The following MCPH1 variants were observed in gnomAD, a reference collection of about 807,000 sequenced individuals.
MCPH1 encodes the protein microcephalin 1.
In MCPH1, 104 loss-of-function variants were observed where a neutral mutation model predicts 84.5. That is an observed-to-expected ratio of 1.23 (90% CI 1.05 to 1.45). The LOEUF is 1.45. MCPH1 is among the 40% of genes most tolerant of loss of function. The pLI is 0.00. For synonymous variants in MCPH1, 514 were observed against 366.8 expected, an observed-to-expected ratio of 1.40 and a Z score of -4.58; for missense variants, 1,498 against 1,005.7, an observed-to-expected ratio of 1.49 and a Z score of -6.62.
intron 12 of MCPH1, among the ~76,000 whole-genome samples, chr8:6,543,555 G>A (rs542377859): frequency 7.9e-5 from 12 of 152,346 alleles, no homozygotes; most frequent in African/African-American, 2.6e-4. Context: ...ATAGGGAAAA[G>A]CGCTGTCGTA....
At chr8:6,416,912 T>G (rs973636915) in intron 3 of MCPH1, among the ~76,000 whole-genome samples, 1 of 152,030 alleles carries the variant, frequency 6.6e-6, no homozygotes, top group African/African-American at 2.4e-5. Flanking sequence ...GAGAATCACT[T>G]GAACCTGGGA....
intron 13 of MCPH1, among the ~76,000 whole-genome samples, chr8:6,623,718 A>G (rs1192950643): frequency 1.8e-4 from 1 of 5,606 alleles, no homozygotes; most frequent in Non-Finnish European, 4.5e-4. Flanking sequence ...AAAAAAAAAA[A>G]CTATTGATTT....
chr8:6,638,648 T>A (rs1232588936), intron 13 of MCPH1, among the ~76,000 whole-genome samples: 1 of 152,096 alleles, frequency 6.6e-6, no homozygotes, highest in African/African-American at 2.4e-5. Context: ...TTCAGCTTCC[T>A]ATTCATCTCT....
rs557342482 is a variant in MCPH1, at chr8:6,580,227, T to A, written c.2215-41227T>A. On this transcript the variant is annotated intron_variant, in intron 12 of 13. Coordinates refer to ENST00000344683, the MANE Select transcript of MCPH1 (RefSeq NM_024596.5). ...GACCCCAGCCAACCAAAGGGAAAGGTCTCCCCTGTACTCACGAAGCCTCCA... is the reference window on the plus strand; with the variant it reads ...GACCCCAGCCAACCAAAGGGAAAGGACTCCCCTGTACTCACGAAGCCTCCA... Among the ~76,000 whole-genome samples, 83 of 152,120 alleles carry A rather than the reference T, an allele frequency of 5.5e-4. 1 individual carries two copies. The highest frequency in any genetic ancestry group is 2.0e-3 in the African/African-American group (83 of 41,506).
chr8:6,514,713 G>A (rs764298644), intron 12 of MCPH1: 148 of 1,613,876 alleles, frequency 9.2e-5, no homozygotes, highest in Non-Finnish European at 1.1e-4. Context: ...GAAAATCAAC[G>A]CTGCCATCCT....
chr8:6,499,757 TATCACTTTTTGCTGTGTCTTC>T, intron 11 of MCPH1, 74 bp from the exon 12 acceptor site: 11 of 1,001,364 alleles, frequency 1.1e-5, no homozygotes, highest in Non-Finnish European at 1.8e-5. Flanking sequence ...CTGCGGAGTG[TATCACTTTTTGCTGTGTCTTC>T]AAAGTGATTC....
intron 11 of MCPH1, among the ~76,000 whole-genome samples, chr8:6,496,524 C>T (rs773535790): frequency 1.2e-4 from 18 of 151,848 alleles, no homozygotes; most frequent in African/African-American, 1.9e-4. Flanking sequence ...GAAGCCCCCC[C>T]GCCCCCCTTC....
At chr8:6,500,530 A>C (rs924598582) in intron 12 of MCPH1, 5 of 153,874 alleles carry the variant, frequency 3.2e-5, no homozygotes, top group African/African-American at 1.2e-4. Context: ...CTGAAAGATA[A>C]ATGGTGATTT....
intron 12 of MCPH1, among the ~76,000 whole-genome samples, chr8:6,570,453 C>T (rs1198585334): frequency 6.6e-6 from 1 of 152,198 alleles, no homozygotes; most frequent in Non-Finnish European, 1.5e-5. Context: ...CATTTCCTTT[C>T]CTGGGAAACA....
At chr8:6,500,123 C>G in intron 12 of MCPH1, 194 bp downstream of exon 12, 1 of 588,514 alleles carries the variant, frequency 1.7e-6, no homozygotes, top group East Asian at 2.9e-5. Flanking sequence ...GACCATTGTG[C>G]AAAAAGTAGT....
At chr8:6,536,592 C>T (rs752261570) in intron 12 of MCPH1, among the ~76,000 whole-genome samples, 1 of 152,142 alleles carries the variant, frequency 6.6e-6, no homozygotes, top group East Asian at 1.9e-4. Flanking sequence ...ACAAAAGAAT[C>T]TGTGTTTTCT....
At chr8:6,435,483 G>A (rs751174950) in intron 4 of MCPH1, among the ~76,000 whole-genome samples, 8 of 152,258 alleles carry the variant, frequency 5.3e-5, no homozygotes, top group Non-Finnish European at 8.8e-5. Flanking sequence ...ATGCTGGGAG[G>A]TGTCATCTGA....
chr8:6,617,727 A>T (rs905881772), intron 12 of MCPH1, among the ~76,000 whole-genome samples: 10 of 151,940 alleles, frequency 6.6e-5, no homozygotes, highest in African/African-American at 2.4e-4. Context: ...CCCACGCTGG[A>T]GTGAAGGGTC....
chr8:6,417,374 A>G (rs908676446), intron 3 of MCPH1, among the ~76,000 whole-genome samples: 2 of 145,378 alleles, frequency 1.4e-5, no homozygotes, highest in Non-Finnish European at 3.0e-5. Context: ...AAATAAGTAA[A>G]CAAATGCTTG....
At position 6,570,558 on chromosome 8, in the gene MCPH1, A is replaced by T. The variant is rs551445530; in HGVS notation, c.2215-50896A>T. On this transcript the variant is annotated intron_variant, in intron 12 of 13. Coordinates refer to ENST00000344683, the MANE Select transcript of MCPH1 (RefSeq NM_024596.5). ...CGCGGGCCTCCACAGCCAAGGCCTTATCTGGGACAATTATCTTTCTCCTTG... is the reference window on the plus strand; with the variant it reads ...CGCGGGCCTCCACAGCCAAGGCCTTTTCTGGGACAATTATCTTTCTCCTTG... Among the ~76,000 whole-genome samples, 60 of 152,318 alleles carry T rather than the reference A, an allele frequency of 3.9e-4. No homozygotes were observed. In the Middle Eastern group the frequency reaches 0.014, roughly 35 times the overall value.
chr8:6,462,123 G>A (rs1393050323), intron 9 of MCPH1, among the ~76,000 whole-genome samples: 1 of 152,140 alleles, frequency 6.6e-6, no homozygotes, highest in Non-Finnish European at 1.5e-5. Context: ...GGCCTGGAGA[G>A]ATGTGAAGGA....
intron 9 of MCPH1, among the ~76,000 whole-genome samples, chr8:6,468,414 C>T (rs1401643095): frequency 6.6e-6 from 1 of 152,156 alleles, no homozygotes; most frequent in Non-Finnish European, 1.5e-5. Context: ...CCCTGGCCAG[C>T]CCCTCTTCTT....
intron 4 of MCPH1, among the ~76,000 whole-genome samples, chr8:6,434,654 A>G (rs889590179): frequency 1.2e-4 from 18 of 152,224 alleles, no homozygotes; most frequent in Admixed American, 4.6e-4. Context: ...TCAATAAATG[A>G]GTGAATAACT....
chr8:6,535,157 A>G (rs1333566794), intron 12 of MCPH1, among the ~76,000 whole-genome samples: 1 of 152,210 alleles, frequency 6.6e-6, no homozygotes, highest in East Asian at 1.9e-4. Context: ...CTTAAGAGCT[A>G]AATAAAAATT....
Sources: gnomAD v4.1 joint callset for allele counts (sites outside exome capture counted in the v4.1 genomes callset) on GRCh38, gnomAD v4.1.1 for gene constraint, MANE v1.5 for transcripts, NCBI Gene and HGNC (gene_info 2026-07-23, HGNC 2026-07-21) for gene names.